CSMD1: variants seen among roughly 807,000 people sequenced by gnomAD.
The protein encoded by CSMD1 is CUB and Sushi multiple domains 1.
Under a neutral mutation model 417.5 loss-of-function variants are expected in CSMD1, and 213 were observed. That is an observed-to-expected ratio of 0.51 (90% CI 0.46 to 0.57). CSMD1 has a LOEUF of 0.57. CSMD1 is among the 20% of genes least tolerant of loss of function. CSMD1 has a pLI of 0.00. For synonymous variants in CSMD1, 2,862 were observed against 1,736.8 expected (o/e 1.65, Z -16.11); for missense variants, 6,923 against 4,529.7 (o/e 1.53, Z -15.17).
chr8:4,366,553 A>G (rs1409913873), intron 3 of CSMD1, among the ~76,000 whole-genome samples: 1 of 152,094 alleles, frequency 6.6e-6, no homozygotes, highest in Non-Finnish European at 1.5e-5. Context: ...CAGCATATAA[A>G]AACGTTACTT....
chr8:4,441,101 T>TG (rs200632930), intron 2 of CSMD1, among the ~76,000 whole-genome samples: 11,136 of 109,510 alleles, frequency 0.1, 1,294 homozygotes, highest in African/African-American at 0.13. Flanking sequence ...AAAGGTTTTT[T>TG]TTTTTTTTTT....
intron 51 of CSMD1, among the ~76,000 whole-genome samples, chr8:3,019,257 C>T (rs1478057666): frequency 6.6e-6 from 1 of 152,120 alleles, no homozygotes; most frequent in Non-Finnish European, 1.5e-5. Context: ...ACAGGTATAG[C>T]TGAACCATTC....
chr8:4,280,774 A>C (rs1796739066), intron 3 of CSMD1, among the ~76,000 whole-genome samples: 1 of 152,232 alleles, frequency 6.6e-6, no homozygotes, highest in African/African-American at 2.4e-5. Context: ...ATGTTACTAT[A>C]TATAAAATAT....
intron 3 of CSMD1, among the ~76,000 whole-genome samples, chr8:4,409,747 C>G (rs537519794): frequency 6.6e-6 from 1 of 150,648 alleles, no homozygotes; most frequent in African/African-American, 2.4e-5. Context: ...AACATTAGCA[C>G]AGGGCATAAC....
chr8:4,013,790 G>A (rs960076710), intron 4 of CSMD1, among the ~76,000 whole-genome samples: 3 of 152,128 alleles, frequency 2.0e-5, no homozygotes, highest in African/African-American at 4.8e-5. Flanking sequence ...AGGCTTTACT[G>A]AAACACAGCC....
intron 3 of CSMD1, among the ~76,000 whole-genome samples, chr8:4,274,883 G>T (rs1290992442): frequency 6.6e-6 from 1 of 152,050 alleles, no homozygotes; most frequent in East Asian, 1.9e-4. Flanking sequence ...TACCCAAAAG[G>T]TTTGCTCACA....
chr8:4,403,780 CCT>C (rs1341870747), intron 3 of CSMD1, among the ~76,000 whole-genome samples: 1 of 152,140 alleles, frequency 6.6e-6, no homozygotes, highest in Non-Finnish European at 1.5e-5. Flanking sequence ...CCATCTTGAT[CCT>C]CTCTCCTGGA....
chr8:4,273,781 T>G (rs760235219), intron 3 of CSMD1, among the ~76,000 whole-genome samples: 1 of 152,208 alleles, frequency 6.6e-6, no homozygotes, highest in Non-Finnish European at 1.5e-5. Flanking sequence ...TCTGTAAGCT[T>G]CTGTCTGCGT....
Position 4,203,527 on chromosome 8 carries a change from G to A in CSMD1, c.416-171428C>T, listed in dbSNP as rs1799788773. On this transcript the variant is annotated intron_variant, in intron 3 of 69. Coordinates refer to ENST00000635120, the MANE Select transcript of CSMD1 (RefSeq NM_033225.6). ...AACGGAAGACTTTCTGTGAATCCAA[G>A]TACCTTCTGTTATTAAACAGCTGGG... Among the ~76,000 whole-genome samples, 9 of 152,266 alleles carry A rather than the reference G, an allele frequency of 5.9e-5. No homozygotes were observed. In the South Asian group the frequency reaches 1.5e-3, roughly 25 times the overall value.
Position 3,163,113 on chromosome 8 carries a change from C to T in CSMD1, c.5726-836G>A, listed in dbSNP as rs1357365310. ...GCAAGTTCTGAGGATCTAAAGTGTA[C>T]AGCATTGGATGTTGATGGATATATT... On this transcript the variant is annotated intron_variant, in intron 37 of 69. Coordinates refer to ENST00000635120, the MANE Select transcript of CSMD1 (RefSeq NM_033225.6). Among the ~76,000 whole-genome samples the T allele has an allele frequency of 2.6e-5, 4 of 152,166 alleles. No individual in the cohort carries two copies. In the South Asian group the frequency reaches 6.2e-4, roughly 24 times the overall value.
At chr8:4,342,856 C>G (rs1474146317) in intron 3 of CSMD1, among the ~76,000 whole-genome samples, 1 of 152,046 alleles carries the variant, frequency 6.6e-6, no homozygotes, top group Admixed American at 6.6e-5. Flanking sequence ...ACCCTAGATA[C>G]ACCAAAGGCC....
chr8:3,857,139 A>G (rs1031955088), intron 5 of CSMD1, among the ~76,000 whole-genome samples: 2 of 152,196 alleles, frequency 1.3e-5, no homozygotes, highest in Non-Finnish European at 2.9e-5. Flanking sequence ...AAAGTTGTCT[A>G]CGAAGTTAGT....
At chr8:4,278,796 A>C (rs949203269) in intron 3 of CSMD1, among the ~76,000 whole-genome samples, 3 of 152,164 alleles carry the variant, frequency 2.0e-5, no homozygotes, top group Non-Finnish European at 4.4e-5. Context: ...GAATGCTTTC[A>C]TTTGTGTTTA....
intron 5 of CSMD1, among the ~76,000 whole-genome samples, chr8:3,959,218 G>C (rs1812161900): frequency 6.6e-6 from 1 of 152,198 alleles, no homozygotes. Flanking sequence ...ATAGTTTCTA[G>C]ACAGAGCAGG....
chr8:4,015,119 T>C (rs915224393), intron 4 of CSMD1, among the ~76,000 whole-genome samples: 3 of 152,190 alleles, frequency 2.0e-5, no homozygotes, highest in Non-Finnish European at 4.4e-5. Context: ...AAAACCAAAT[T>C]GTCTAAAACT....
At chr8:4,095,728 C>G (rs938232057) in intron 3 of CSMD1, among the ~76,000 whole-genome samples, 3 of 152,168 alleles carry the variant, frequency 2.0e-5, no homozygotes, top group Non-Finnish European at 2.9e-5. Flanking sequence ...TCAATTTGTT[C>G]AAGTCACGTA....
Position 3,343,347 on chromosome 8 carries a change from T to G in CSMD1, c.3578A>C (p.Glu1193Ala), listed in dbSNP as rs199996810. ...LNSTSNHLWL[E>A]FNTNGSDTDQ... Reference sequence around the variant, plus strand: ...GGTGTCAGATCCATTGGTGTTGAACTCTAGCCACAGGTGATTGGATGTGCT... The same window carrying G: ...GGTGTCAGATCCATTGGTGTTGAACGCTAGCCACAGGTGATTGGATGTGCT... The change falls in exon 23 of 70, where the codon GAG becomes GCG. Residue 1193 changes from glutamate (E) to alanine (A), a missense_variant. Transcript: ENST00000635120. 2.5e-4 allele frequency: 409 copies of G among 1,613,776 alleles called. No individual in the cohort carries two copies. The highest frequency in any genetic ancestry group is 2.9e-4 in the Non-Finnish European group (346 of 1,179,790).
intron 3 of CSMD1, among the ~76,000 whole-genome samples, chr8:4,160,086 A>T (rs78901805): frequency 0.058 from 6,170 of 106,314 alleles, 347 homozygotes; most frequent in African/African-American, 0.19. Context: ...TATGGAATTT[A>T]AAAAAAAAAA....
chr8:3,014,098 G>T (rs1335109983), intron 52 of CSMD1, among the ~76,000 whole-genome samples: 1 of 151,824 alleles, frequency 6.6e-6, no homozygotes, highest in Non-Finnish European at 1.5e-5. Flanking sequence ...ATATTATTTT[G>T]TTTGTCCTAT....
Sources: gnomAD v4.1 joint callset for allele counts (sites outside exome capture counted in the v4.1 genomes callset) on GRCh38, gnomAD v4.1.1 for gene constraint, MANE v1.5 for transcripts, NCBI Gene and HGNC (gene_info 2026-07-23, HGNC 2026-07-21) for gene names.